The following RNFT2 variants were observed in gnomAD, a reference collection of about 807,000 sequenced individuals.
The protein encoded by RNFT2 is E3 ubiquitin-protein ligase RNFT2.
Under a neutral mutation model 53.0 loss-of-function variants are expected in RNFT2, and 36 were observed. The ratio of observed to expected loss-of-function variants is 0.68; its 90% CI spans 0.52 to 0.90. The LOEUF (loss-of-function observed/expected upper bound fraction) is 0.90, where lower values mean the gene tolerates loss of function less well. RNFT2 is among the 40% of genes least tolerant of loss of function. The pLI is 0.00. For synonymous variants in RNFT2, 260 were observed against 253.2 expected (o/e 1.03, Z -0.26); for missense variants, 514 against 585.6 (o/e 0.88, Z 1.26).
chr12:116,801,779 G>T (rs1428327507), intron 7 of RNFT2, among the ~76,000 whole-genome samples: 1 of 151,436 alleles, frequency 6.6e-6, no homozygotes, highest in South Asian at 2.1e-4. Flanking sequence ...CATTTTATTG[G>T]TTTGTTTGTT....
chr12:116,740,198 A>G (rs1251560344), intron 1 of RNFT2, 147 bp from the exon 2 acceptor site: 1 of 257,032 alleles, frequency 3.9e-6, no homozygotes, highest in Non-Finnish European at 7.6e-6. Flanking sequence ...AAAAAAAAGG[A>G]GTTTCAAGGG....
chr12:116,742,448 G>A (rs1444707228), intron 3 of RNFT2, among the ~76,000 whole-genome samples: 1 of 151,756 alleles, frequency 6.6e-6, no homozygotes, highest in Non-Finnish European at 1.5e-5. Flanking sequence ...TTTTGTATTT[G>A]TAGGGACAGG....
At chr12:116,751,371 C>T (rs574465247) in intron 4 of RNFT2, among the ~76,000 whole-genome samples, 8 of 152,134 alleles carry the variant, frequency 5.3e-5, no homozygotes, top group Non-Finnish European at 1.2e-4. Flanking sequence ...GACACATACT[C>T]AACAGTCAAT....
chr12:116,750,265 A>C lies in RNFT2; in HGVS notation c.508A>C (p.Ile170Leu), dbSNP rs761887884. ...CTGGCTCCAGAAAGGACTCCCCTTCATCCTGATCCTCCTGGCCAAACTGTG... is the reference window on the plus strand; with the variant it reads ...CTGGCTCCAGAAAGGACTCCCCTTCCTCCTGATCCTCCTGGCCAAACTGTG... ...ICWLQKGLPF[I>L]LILLAKLCFQ... is the part of the protein sequence containing the mutation. The change falls in exon 4 of 11, where the codon ATC becomes CTC. Residue 170 changes from isoleucine to leucine, a missense_variant. By Grantham distance (5) the Ile-to-Leu change is conservative. This residue lies in a region of RNFT2 where 237 missense variants were observed against 235.1 expected (regional missense o/e 1.01). Transcript: ENST00000257575. 1 of 1,606,546 alleles carries C rather than the reference A, an allele frequency of 6.2e-7. No individual in the cohort carries two copies. The highest frequency in any genetic ancestry group is 8.5e-7 in the Non-Finnish European group (1 of 1,179,572).
chr12:116,845,567 G>A (rs943228924), intron 10 of RNFT2, among the ~76,000 whole-genome samples: 4 of 152,110 alleles, frequency 2.6e-5, no homozygotes, highest in Admixed American at 2.0e-4. Context: ...TGGTTGGAAG[G>A]CTGTGAATAA....
intron 4 of RNFT2, among the ~76,000 whole-genome samples, chr12:116,753,151 T>TTC (rs1566070557): frequency 3.9e-5 from 4 of 103,478 alleles, no homozygotes; most frequent in South Asian, 3.1e-4. Flanking sequence ...TCTTTTTCTT[T>TTC]TTTTTTTTTT....
intron 7 of RNFT2, among the ~76,000 whole-genome samples, chr12:116,781,533 T>C (rs546538303): frequency 6.6e-6 from 1 of 152,282 alleles, no homozygotes; most frequent in Non-Finnish European, 1.5e-5. Flanking sequence ...TTGGCAGGGC[T>C]GTGTTCTTCC....
intron 7 of RNFT2, among the ~76,000 whole-genome samples, chr12:116,832,140 A>T (rs1223157502): frequency 4.7e-4 from 32 of 68,140 alleles, no homozygotes; most frequent in African/African-American, 1.6e-3. Flanking sequence ...CAAAAAAAAA[A>T]AAAAAAAAAT....
At chr12:116,817,523 T>C (rs560868146) in intron 7 of RNFT2, among the ~76,000 whole-genome samples, 5 of 152,342 alleles carry the variant, frequency 3.3e-5, no homozygotes, top group Admixed American at 2.6e-4. Flanking sequence ...ACCTTGTCCC[T>C]TCCACGCCTA....
chr12:116,778,380 G>A (rs1873532795), intron 6 of RNFT2, among the ~76,000 whole-genome samples: 1 of 152,200 alleles, frequency 6.6e-6, no homozygotes, highest in African/African-American at 2.4e-5. Flanking sequence ...AGTCACATGG[G>A]AATGGATTAG....
At chr12:116,818,126 G>C (rs1427027785) in intron 7 of RNFT2, among the ~76,000 whole-genome samples, 1 of 151,826 alleles carries the variant, frequency 6.6e-6, no homozygotes, top group African/African-American at 2.4e-5. Context: ...TACCAGCCTG[G>C]GCAACACAGG....
At chr12:116,800,161 C>A (rs1264839090) in intron 7 of RNFT2, among the ~76,000 whole-genome samples, 1 of 152,118 alleles carries the variant, frequency 6.6e-6, no homozygotes, top group African/African-American at 2.4e-5. Flanking sequence ...CCCCTACAGT[C>A]TGCAGAACCA....
At position 116,852,784 on chromosome 12, in the gene RNFT2, A is replaced by C. The variant is rs756650185; in HGVS notation, c.*3336A>C. 4.6e-5 allele frequency: 69 copies of C among 1,512,172 alleles called. No individual in the cohort carries two copies. Among genetic ancestry groups the C allele is most frequent in the Admixed American group, 4.2e-4 (25 of 59,760 alleles). 93.7% of individuals were successfully genotyped at this position (1,512,172 alleles called of 1,614,324 possible). A position where few individuals can be genotyped will look rare whatever the true frequency, so the allele number is the denominator to read the frequency against. ...AAACTCTTTATTACTTTGGGAAGTCACTCAGCCTCCCTGTAGCCATCTCCA... is the reference window on the plus strand; with the variant it reads ...AAACTCTTTATTACTTTGGGAAGTCCCTCAGCCTCCCTGTAGCCATCTCCA... On this transcript the variant is annotated 3_prime_UTR_variant, in exon 11 of 11. Coordinates refer to ENST00000257575, the MANE Select transcript of RNFT2 (RefSeq NM_001382266.1).
intron 6 of RNFT2, among the ~76,000 whole-genome samples, chr12:116,771,491 A>AT (rs1566076407): frequency 1.2e-4 from 8 of 68,570 alleles, no homozygotes; most frequent in African/African-American, 1.3e-4. Context: ...AAAAAAAAAA[A>AT]AAAATACGTA....
chr12:116,818,775 C>T (rs563607530), intron 7 of RNFT2, among the ~76,000 whole-genome samples: 8 of 152,256 alleles, frequency 5.3e-5, no homozygotes, highest in African/African-American at 1.9e-4. Context: ...TTGACCTCTC[C>T]GAGCCTTGTG....
chr12:116,806,635 C>T (rs1362617986), intron 7 of RNFT2, among the ~76,000 whole-genome samples: 1 of 151,334 alleles, frequency 6.6e-6, no homozygotes, highest in Non-Finnish European at 1.5e-5. Context: ...ACCTGTAGTC[C>T]CAGCTACTCG....
Position 116,766,874 on chromosome 12 carries a change from T to C in RNFT2, c.688T>C (p.Tyr230His). The C allele has an allele frequency of 6.3e-7, 1 of 1,595,584 alleles. No homozygotes were observed. Among genetic ancestry groups the C allele is most frequent in the Non-Finnish European group, 8.5e-7 (1 of 1,170,586 alleles). The change falls in exon 6 of 11, where the codon TAT becomes CAT. Residue 230 changes from tyrosine (Y) to histidine (H), a missense_variant. Physicochemically the swap from Tyr to His is moderately conservative, Grantham distance 83. Transcript: ENST00000257575. Reference sequence around the variant, plus strand: ...GGCCTTTCTGGCGGGGAACACCCTCTATGTGCTTTATACATTCAGCTCCCA... The same window carrying C: ...GGCCTTTCTGGCGGGGAACACCCTCCATGTGCTTTATACATTCAGCTCCCA... ...ILAFLAGNTL[Y>H]VLYTFSSQQL...
intron 7 of RNFT2, among the ~76,000 whole-genome samples, chr12:116,800,537 G>A (rs929599519): frequency 7.2e-5 from 11 of 152,084 alleles, no homozygotes; most frequent in African/African-American, 2.2e-4. Context: ...GGTGGCTGAG[G>A]CAGGAGAATT....
chr12:116,741,997 G>T (rs1871630333), intron 3 of RNFT2, among the ~76,000 whole-genome samples: 1 of 152,102 alleles, frequency 6.6e-6, no homozygotes, highest in Non-Finnish European at 1.5e-5. Context: ...TGAGATCATA[G>T]CTCTGAGAAA....
Sources: gnomAD v4.1 joint callset for allele counts (sites outside exome capture counted in the v4.1 genomes callset) on GRCh38, gnomAD v4.1.1 for gene constraint, gnomAD v4.1.1 regional missense constraint, MANE v1.5 for transcripts, NCBI Gene and HGNC (gene_info 2026-07-23, HGNC 2026-07-21) for gene names.